Variants in MYO5C observed in about 807,000 individuals in gnomAD.
MYO5C encodes the protein unconventional myosin-Vc.
A neutral mutation model predicts 235.7 loss-of-function variants in MYO5C; 194 were observed. The observed-to-expected ratio is 0.82, with a 90% CI of 0.73 to 0.93. The LOEUF is 0.93. Among genes scored for constraint, MYO5C ranks in the 40% least tolerant of loss-of-function variants. The pLI, the probability that MYO5C is intolerant of heterozygous loss-of-function variation, is 0.00. For synonymous variants in MYO5C, 707 were observed against 754.8 expected, an observed-to-expected ratio of 0.94 and a Z score of 1.04; for missense variants, 2,038 against 2,127.2, an observed-to-expected ratio of 0.96 and a Z score of 0.82.
At chr15:52,194,233 T>G (rs2034997216) in intron 40 of MYO5C, among the ~76,000 whole-genome samples, 179 bp from the exon 41 acceptor site, 1 of 152,204 alleles carries the variant, frequency 6.6e-6, no homozygotes, top group Non-Finnish European at 1.5e-5. Context: ...ATCCAGGGCT[T>G]CCAGATCAGC....
At chr15:52,253,494 A>G in intron 11 of MYO5C, 37 bp from the exon 12 acceptor site, 1 of 1,582,436 alleles carries the variant, frequency 6.3e-7, no homozygotes, top group African/African-American at 1.4e-5. Flanking sequence ...GTAAAACAGA[A>G]TATTAAAATA....
intron 9 of MYO5C, among the ~76,000 whole-genome samples, chr15:52,262,783 T>C (rs973288858): frequency 6.6e-6 from 1 of 152,310 alleles, no homozygotes; most frequent in East Asian, 1.9e-4. Flanking sequence ...CACAAAATGA[T>C]CAACTATTCC....
At chr15:52,205,787 T>C (rs1566961116) in intron 37 of MYO5C, 29 bp downstream of exon 37, 2 of 1,377,568 alleles carry the variant, frequency 1.5e-6, no homozygotes, top group Non-Finnish European at 9.9e-7. Flanking sequence ...TTACTATAAA[T>C]ATTTTTTGGT....
At chr15:52,255,891 A>T (rs1031015170) in intron 11 of MYO5C, among the ~76,000 whole-genome samples, 7 of 152,222 alleles carry the variant, frequency 4.6e-5, no homozygotes, top group Non-Finnish European at 8.8e-5. Context: ...TGGAAAAAAA[A>T]AATTGGAATC....
At chr15:52,222,216 G>A (rs918650494) in intron 29 of MYO5C, among the ~76,000 whole-genome samples, 5 of 152,192 alleles carry the variant, frequency 3.3e-5, no homozygotes. Context: ...GTAGCCCCAT[G>A]GTAAGCTGAG....
At chr15:52,250,042 C>T (rs577349795) in intron 13 of MYO5C, among the ~76,000 whole-genome samples, 31 of 151,978 alleles carry the variant, frequency 2.0e-4, no homozygotes, top group Non-Finnish European at 1.9e-4. Flanking sequence ...AAAGAGAGAC[C>T]CTTGAAAGAA....
rs569419211 is a variant in MYO5C at position 52,207,124 on chromosome 15, C to A, written c.4387-1158G>T. Among the ~76,000 whole-genome samples the A allele has an allele frequency of 4.0e-5, 6 of 150,530 alleles. No individual in the cohort carries two copies. The South Asian group carries it at 1.0e-3, about 26-fold the overall frequency. On this transcript the variant is annotated intron_variant, in intron 36 of 40. Transcript: ENST00000261839. ...CTCCAGCCTGGGTGACAGAGTGAGA[C>A]CCCCATCTCAAAAAAGAAAAAGAAA...
Position 52,242,104 on chromosome 15 carries a change from T to C in MYO5C, c.2500A>G (p.Thr834Ala), listed in dbSNP as rs762284863. The C allele has an allele frequency of 3.8e-5, 61 of 1,614,034 alleles. No homozygotes were observed. The East Asian group carries it at 7.8e-4, about 21-fold the overall frequency. Residue 834 changes from threonine to alanine, a missense_variant, in exon 20 of 41, where the codon ACC becomes GCC. Coordinates refer to ENST00000261839, the MANE Select transcript of MYO5C (RefSeq NM_018728.4). Reference protein sequence around the residue: ...RSLYQLIRMATITMQAYSRGF... With the variant: ...RSLYQLIRMAAITMQAYSRGF... ...CGGCTGTAGGCCTGCATTGTGATGG[T>C]GGCCATGCGAATCAACTGATACAGG...
rs376997898 is a variant in MYO5C at position 52,201,541 on chromosome 15, C to T, written c.4820+3324G>A. ...GGAATACTAAAATACTTTCTTCAGG[C>T]AGAAGGAAAATTATATCAAAATGAG... is the stretch of plus-strand genomic sequence containing the variant. On this transcript the variant is annotated intron_variant, in intron 38 of 40. Coordinates refer to ENST00000261839, the MANE Select transcript of MYO5C (RefSeq NM_018728.4). Among the ~76,000 whole-genome samples, 9 of 152,078 alleles carry T rather than the reference C, an allele frequency of 5.9e-5. No homozygotes were observed. The East Asian group carries it at 1.2e-3, about 20-fold the overall frequency.
chr15:52,210,539 GAGA>G (rs1224540615), intron 35 of MYO5C, among the ~76,000 whole-genome samples: 1 of 152,150 alleles, frequency 6.6e-6, no homozygotes, highest in Non-Finnish European at 1.5e-5. Flanking sequence ...AAGAGAGAGA[GAGA>G]AGGTTTTTGT....
At chr15:52,216,089 C>G (rs1241858247) in intron 32 of MYO5C, among the ~76,000 whole-genome samples, 2 of 152,176 alleles carry the variant, frequency 1.3e-5, no homozygotes, top group African/African-American at 4.8e-5. Flanking sequence ...GGTTCATGAT[C>G]CATACCTTCA....
chr15:52,199,820 T>C (rs2035144459), intron 38 of MYO5C, among the ~76,000 whole-genome samples: 1 of 152,152 alleles, frequency 6.6e-6, no homozygotes, highest in Non-Finnish European at 1.5e-5. Flanking sequence ...GGTTCTCTCT[T>C]TGCCCTCACC....
At chr15:52,215,053 C>G (rs1437421817) in intron 32 of MYO5C, among the ~76,000 whole-genome samples, 1 of 152,184 alleles carries the variant, frequency 6.6e-6, no homozygotes, top group Admixed American at 6.5e-5. Context: ...TGGCTTCTTT[C>G]ACTTAGCATA....
intron 33 of MYO5C, among the ~76,000 whole-genome samples, chr15:52,214,025 G>C (rs1300490459): frequency 2.0e-5 from 3 of 152,158 alleles, no homozygotes; most frequent in Admixed American, 6.5e-5. Flanking sequence ...ATACAGCCTT[G>C]GCAGTAAGGC....
At position 52,272,707 on chromosome 15, in the gene MYO5C, T is replaced by A; in HGVS notation, c.623A>T (p.Lys208Met). 6.2e-7 allele frequency: 1 copy of A among 1,613,130 alleles called. No individual in the cohort carries two copies. Among genetic ancestry groups the A allele is most frequent in the Non-Finnish European group, 8.5e-7 (1 of 1,179,844 alleles). ...ACTACTATTGTCATTGCGGGTGGTCTTGGCATTTCCAACGGCCTAAAAAAA... is the reference window on the plus strand; with the variant it reads ...ACTACTATTGTCATTGCGGGTGGTCATGGCATTTCCAACGGCCTAAAAAAA... Reference protein sequence around the residue: ...NPITEAVGNAKTTRNDNSSRF... With the variant: ...NPITEAVGNAMTTRNDNSSRF... Residue 208 changes from lysine (K) to methionine (M), a missense_variant, in exon 6 of 41, where the codon AAG becomes ATG. Transcript: ENST00000261839.
At chr15:52,282,988 G>A (rs529238089) in intron 1 of MYO5C, 96 bp from the exon 2 acceptor site, 11 of 775,388 alleles carry the variant, frequency 1.4e-5, no homozygotes, top group Non-Finnish European at 2.3e-5. Flanking sequence ...TGTGCACTAG[G>A]TCAGCTCCTT....
At chr15:52,278,320 C>T (rs976613856) in intron 4 of MYO5C, among the ~76,000 whole-genome samples, 1 of 152,132 alleles carries the variant, frequency 6.6e-6, no homozygotes, top group Non-Finnish European at 1.5e-5. Context: ...ACATTTGCAT[C>T]GTGGGCTATT....
At chr15:52,234,759 G>A (rs1425523167) in intron 23 of MYO5C, among the ~76,000 whole-genome samples, 1 of 152,152 alleles carries the variant, frequency 6.6e-6, no homozygotes, top group African/African-American at 2.4e-5. Context: ...GTGTCAGGCT[G>A]TTTACTCCCT....
At chr15:52,211,310 T>C (rs2035437147) in intron 35 of MYO5C, among the ~76,000 whole-genome samples, 1 of 152,360 alleles carries the variant, frequency 6.6e-6, no homozygotes, top group South Asian at 2.1e-4. Context: ...ACACAGTTCA[T>C]CTTCATTTGT....
Sources: gnomAD v4.1 joint callset for allele counts (sites outside exome capture counted in the v4.1 genomes callset) on GRCh38, gnomAD v4.1.1 for gene constraint, MANE v1.5 for transcripts, NCBI Gene and HGNC (gene_info 2026-07-23, HGNC 2026-07-21) for gene names.